Variants in P2RY12 observed in about 807,000 individuals in gnomAD.
The protein encoded by P2RY12 is P2Y purinoceptor 12.
P2RY12 carries 3 observed loss-of-function variants against 4.5 expected under a neutral mutation model. That is an observed-to-expected ratio of 0.67 (90% CI 0.31 to 1.74). P2RY12 has a LOEUF of 1.74. Among genes scored for constraint, P2RY12 ranks in the 40% most tolerant of loss-of-function variants. The pLI is 0.09. For missense variants in P2RY12, 356 were observed against 407.8 expected (o/e 0.87, Z 1.09); for synonymous variants, 148 against 154.1 (o/e 0.96, Z 0.29).
chr3:151,342,164 C>T (rs1219154939), intron 1 of P2RY12, among the ~76,000 whole-genome samples: 1 of 152,206 alleles, frequency 6.6e-6, no homozygotes, highest in African/African-American at 2.4e-5. Context: ...CTGACTTCCA[C>T]AATGGTTGAA....
Position 151,345,787 on chromosome 3 carries a change from G to A in P2RY12, c.-179-5027C>T, listed in dbSNP as rs1577389669. On this transcript the variant is annotated intron_variant, in intron 1 of 2. Coordinates refer to ENST00000302632, the MANE Select transcript of P2RY12 (RefSeq NM_022788.5). ...CCACCTCAGCCTCCCAAAGTGCTGG[G>A]ATTATAGATGTGAGCCACCATGCCC... 3.3e-5 allele frequency among the ~76,000 whole-genome samples: 5 copies of A among 152,152 alleles called. No individual in the cohort carries two copies. The South Asian group carries it at 1.0e-3, about 32-fold the overall frequency.
intron 1 of P2RY12, among the ~76,000 whole-genome samples, chr3:151,378,578 C>T (rs1381675667): frequency 4.6e-5 from 7 of 151,924 alleles, no homozygotes; most frequent in Non-Finnish European, 1.5e-5. Context: ...ACTAGTTGCT[C>T]ATATTTTTAA....
At chr3:151,353,343 C>A (rs546235845) in intron 1 of P2RY12, among the ~76,000 whole-genome samples, 2 of 152,306 alleles carry the variant, frequency 1.3e-5, no homozygotes, top group Non-Finnish European at 2.9e-5. Flanking sequence ...ATGCTCATGA[C>A]ATGTGAGCAG....
At chr3:151,382,645 C>T in intron 1 of P2RY12, 1 of 1,593,822 alleles carries the variant, frequency 6.3e-7, no homozygotes, top group Non-Finnish European at 8.5e-7. Flanking sequence ...GAGTTTTTTT[C>T]CGGATCTTAG....
intron 1 of P2RY12, chr3:151,378,083 G>C (rs1711547106): frequency 6.2e-7 from 1 of 1,611,586 alleles, no homozygotes; most frequent in Admixed American, 1.7e-5. Context: ...GTGCAAGGAA[G>C]AGTGCTGAAA....
At chr3:151,347,697 G>A (rs533711836) in intron 1 of P2RY12, among the ~76,000 whole-genome samples, 1 of 152,176 alleles carries the variant, frequency 6.6e-6, no homozygotes, top group Non-Finnish European at 1.5e-5. Flanking sequence ...GGGATGTGCA[G>A]AGGAGGAGGG....
At chr3:151,376,911 T>G in intron 1 of P2RY12, 1 of 1,612,454 alleles carries the variant, frequency 6.2e-7, no homozygotes, top group Non-Finnish European at 8.5e-7. Context: ...TGTATGAAAT[T>G]TTATAAAAAG....
At chr3:151,380,206 C>T (rs1268108493) in intron 1 of P2RY12, 2 of 1,603,562 alleles carry the variant, frequency 1.2e-6, no homozygotes, top group Non-Finnish European at 1.7e-6. Flanking sequence ...TAACATCTCT[C>T]CAGAATCAAG....
At chr3:151,355,414 A>T (rs1405299183) in intron 1 of P2RY12, among the ~76,000 whole-genome samples, 1 of 152,210 alleles carries the variant, frequency 6.6e-6, no homozygotes, top group African/African-American at 2.4e-5. Flanking sequence ...GCCTTCCTCG[A>T]AGGATTAATT....
chr3:151,352,010 A>AGGGTTTT (rs1202328652), intron 1 of P2RY12, among the ~76,000 whole-genome samples: 2 of 152,244 alleles, frequency 1.3e-5, no homozygotes, highest in Admixed American at 6.5e-5. Flanking sequence ...TGGGACCAGA[A>AGGGTTTT]GGGTTTTGGA....
At chr3:151,369,352 A>T in intron 1 of P2RY12, 1 of 917,076 alleles carries the variant, frequency 1.1e-6, no homozygotes, top group East Asian at 2.5e-5. Flanking sequence ...ACAGTCTAAC[A>T]ATGAAAGGCT....
intron 1 of P2RY12, among the ~76,000 whole-genome samples, chr3:151,377,393 A>T (rs113007961): frequency 6.6e-6 from 1 of 152,212 alleles, no homozygotes; most frequent in Non-Finnish European, 1.5e-5. Context: ...TTGAAACTGC[A>T]GGTGAACTCA....
At chr3:151,372,598 C>T in intron 1 of P2RY12, 9 of 1,613,836 alleles carry the variant, frequency 5.6e-6, no homozygotes, top group Non-Finnish European at 7.6e-6. Context: ...ACAGTGTCAG[C>T]TCTTTAAAGA....
At chr3:151,361,338 A>G (rs1363079448) in intron 1 of P2RY12, among the ~76,000 whole-genome samples, 2 of 152,126 alleles carry the variant, frequency 1.3e-5, no homozygotes, top group Non-Finnish European at 2.9e-5. Flanking sequence ...CATTAAATCA[A>G]TGTGCATTAA....
At chr3:151,361,879 C>G (rs1754650191) in intron 1 of P2RY12, among the ~76,000 whole-genome samples, 1 of 152,082 alleles carries the variant, frequency 6.6e-6, no homozygotes, top group African/African-American at 2.4e-5. Context: ...CTTGCTACCC[C>G]CACAGGCAGC....
Position 151,338,834 on chromosome 3 carries a change from G to A in P2RY12, c.12C>T (p.Val4=), listed in dbSNP as rs41267893. The change falls in exon 3 of 3, where the codon GTC becomes GTT. Residue 4 remains valine, a synonymous_variant. Coordinates refer to ENST00000302632, the MANE Select transcript of P2RY12 (RefSeq NM_022788.5). The part of the protein sequence containing the change: MQA[V]DNLTSAPGNT... ...TACCAGGCGCAGAGGTGAGGTTGTC[G>A]ACGGCTTGCATTTCTTGTTGGTTAC... The A allele has an allele frequency of 1.5e-3, 2,479 of 1,613,524 alleles. 9 individuals carry two copies. The highest frequency in any genetic ancestry group is 1.9e-3 in the Non-Finnish European group (2,267 of 1,179,634).
At chr3:151,341,491 G>A (rs11922647) in intron 1 of P2RY12, among the ~76,000 whole-genome samples, 128,698 of 151,926 alleles carry the variant, frequency 0.85, 54,544 homozygotes, top group Middle Eastern at 0.95. Context: ...ATTTACAGTT[G>A]TTTAACTTTG....
chr3:151,384,473 A>G (rs1712964183), intron 1 of P2RY12, among the ~76,000 whole-genome samples: 1 of 152,216 alleles, frequency 6.6e-6, no homozygotes, highest in Non-Finnish European at 1.5e-5. Flanking sequence ...TCCACTGTTA[A>G]ATATATAACC....
chr3:151,377,009 G>A lies in P2RY12; in HGVS notation c.-180+7683C>T, dbSNP rs1560099498. ...ACTCTAGGGCTCTGGTTCTGTGGCC[G>A]AAATGAACAACTTACTGGACAATAT... On this transcript the variant is annotated intron_variant, in intron 1 of 2. Transcript: ENST00000302632. 1.2e-6 allele frequency: 2 copies of A among 1,613,752 alleles called. No homozygotes were observed. Among genetic ancestry groups the A allele is most frequent in the Non-Finnish European group, 8.5e-7 (1 of 1,179,820 alleles).
Sources: gnomAD v4.1 joint callset for allele counts (sites outside exome capture counted in the v4.1 genomes callset) on GRCh38, gnomAD v4.1.1 for gene constraint, MANE v1.5 for transcripts, NCBI Gene and HGNC (gene_info 2026-07-23, HGNC 2026-07-21) for gene names.